PCSK1: variants seen among roughly 807,000 people sequenced by gnomAD.
The protein encoded by PCSK1 is proprotein convertase subtilisin/kexin type 1, also known as neuroendocrine convertase 1.
PCSK1 carries 56 observed loss-of-function variants against 90.6 expected under a neutral mutation model. That is an observed-to-expected ratio of 0.62 (90% confidence interval 0.50 to 0.77). The LOEUF is 0.77. Ranked by LOEUF, PCSK1 falls within the 30% of genes least tolerant of loss-of-function variation. The probability of loss-of-function intolerance (pLI) is 0.00; values close to 1 mark genes in which losing one functional copy is unlikely to be tolerated. For synonymous variants in PCSK1, 348 were observed against 342.4 expected (o/e 1.02, Z -0.18); for missense variants, 801 against 932.6 (o/e 0.86, Z 1.84).
intron 5 of PCSK1, among the ~76,000 whole-genome samples, chr5:96,419,509 G>A (rs1761053829): frequency 6.7e-6 from 1 of 149,596 alleles, no homozygotes; most frequent in East Asian, 2.0e-4. Context: ...TTTTTCAAAA[G>A]ATGATAAAAC....
intron 9 of PCSK1, among the ~76,000 whole-genome samples, chr5:96,400,731 T>C (rs1009014932): frequency 2.6e-5 from 4 of 152,204 alleles, no homozygotes; most frequent in Admixed American, 6.5e-5. Flanking sequence ...TTGAGCTCAC[T>C]CTTGCAAGGC....
chr5:96,408,923 G>A (rs933187670), intron 8 of PCSK1, among the ~76,000 whole-genome samples: 1 of 152,216 alleles, frequency 6.6e-6, no homozygotes, highest in East Asian at 1.9e-4. Context: ...AATGGAAAGT[G>A]TGCTGGACTT....
At position 96,403,153 on chromosome 5, in the gene PCSK1, C is replaced by A. The variant is rs757886222; in HGVS notation, c.1197-2967G>T. Among the ~76,000 whole-genome samples, 3 of 152,082 alleles carry A rather than the reference C, an allele frequency of 2.0e-5. No individual in the cohort carries two copies. In the East Asian group the frequency reaches 5.8e-4, roughly 29 times the overall value. Reference sequence around the variant, plus strand: ...TGTGTCCTATGTTTCTGTAGTAGAGCATTTATTTTATATGCAGTTGCAGGT... The same window carrying A: ...TGTGTCCTATGTTTCTGTAGTAGAGAATTTATTTTATATGCAGTTGCAGGT... On this transcript the variant is annotated intron_variant, in intron 9 of 13. Coordinates refer to ENST00000311106, the MANE Select transcript of PCSK1 (RefSeq NM_000439.5).
intron 11 of PCSK1, among the ~76,000 whole-genome samples, chr5:96,397,974 A>G (rs972182431): frequency 2.0e-5 from 3 of 152,044 alleles, no homozygotes; most frequent in Non-Finnish European, 4.4e-5. Flanking sequence ...TTAATTTCTT[A>G]AAGATATATT....
intron 12 of PCSK1, among the ~76,000 whole-genome samples, chr5:96,395,937 C>A (rs554488601): frequency 6.6e-6 from 1 of 152,226 alleles, no homozygotes; most frequent in East Asian, 1.9e-4. Flanking sequence ...GTGTTAAAAT[C>A]TAAAATATCT....
rs1483824627 is a variant in PCSK1 at position 96,398,868 on chromosome 5, T to G, written c.1588+11A>C. 6.2e-7 allele frequency: 1 copy of G among 1,610,032 alleles called. No homozygotes were observed. Among genetic ancestry groups the G allele is most frequent in the South Asian group, 1.1e-5 (1 of 91,006 alleles). On this transcript the variant is annotated intron_variant, in intron 11 of 13. Coordinates refer to ENST00000311106, the MANE Select transcript of PCSK1 (RefSeq NM_000439.5). ...TAAAAATATAAATGGCTTAGAACTT[T>G]TTTAATTTACCAGCAGCAGAAGTAA...
intron 1 of PCSK1, among the ~76,000 whole-genome samples, chr5:96,431,090 A>G (rs1056489932): frequency 3.3e-5 from 5 of 152,196 alleles, no homozygotes; most frequent in Non-Finnish European, 5.9e-5. Flanking sequence ...GGAATACACA[A>G]TTAAATCCCC....
chr5:96,395,531 C>T (rs756615626), intron 12 of PCSK1, among the ~76,000 whole-genome samples: 13 of 152,116 alleles, frequency 8.5e-5, no homozygotes, highest in Non-Finnish European at 1.9e-4. Flanking sequence ...TCTCAGCAAA[C>T]CAACACAGGA....
intron 2 of PCSK1, among the ~76,000 whole-genome samples, 186 bp downstream of exon 2, chr5:96,429,026 AC>A (rs1761405024): frequency 6.6e-6 from 1 of 152,144 alleles, no homozygotes. Flanking sequence ...AACCAATTCA[AC>A]CCAATCTTGT....
chr5:96,413,656 C>A (rs1279021139), intron 6 of PCSK1, among the ~76,000 whole-genome samples: 2 of 151,276 alleles, frequency 1.3e-5, no homozygotes, highest in African/African-American at 4.9e-5. Flanking sequence ...AAAAATTAGT[C>A]AGGCATGCTG....
chr5:96,406,172 C>A (rs1403813711), intron 9 of PCSK1, among the ~76,000 whole-genome samples: 1 of 152,078 alleles, frequency 6.6e-6, no homozygotes, highest in Non-Finnish European at 1.5e-5. Context: ...TCTCGTTTGA[C>A]CCCTTCATTT....
At position 96,412,582 on chromosome 5, in the gene PCSK1, G is replaced by A. The variant is rs1329400490; in HGVS notation, c.710-92C>T. The A allele has an allele frequency of 4.8e-6, 6 of 1,245,436 alleles. No homozygotes were observed. The East Asian group carries it at 1.5e-4, about 31-fold the overall frequency. 77.1% of individuals were successfully genotyped at this position (1,245,436 alleles called of 1,614,324 possible). The stretch of plus-strand genomic sequence containing the variant: ...TACTCTTACTATTTGTATTTTTAAA[G>A]GATTTTAAGAGTCAAAAACCAGGTA... On this transcript the variant is annotated intron_variant, in intron 6 of 13. Transcript: ENST00000311106.
intron 6 of PCSK1, among the ~76,000 whole-genome samples, chr5:96,413,471 G>A (rs1299404592): frequency 1.3e-5 from 2 of 152,178 alleles, no homozygotes; most frequent in African/African-American, 4.8e-5. Flanking sequence ...GATATGATCA[G>A]TGAAAGTTGT....
Position 96,410,936 on chromosome 5 carries a change from C to G in PCSK1, c.933G>C (p.Gly311=). The change falls in exon 8 of 14, where the codon GGG becomes GGC. Residue 311 remains glycine, a synonymous_variant. Transcript: ENST00000311106. ...SIFVWASGNG[G]RQGDNCDCDG... Reference sequence around the variant, plus strand: ...CACAGTCACAATTATCTCCCTGACGCCCCCCGTTTCCCGAAGCCCAGACGA... The same window carrying G: ...CACAGTCACAATTATCTCCCTGACGGCCCCCGTTTCCCGAAGCCCAGACGA... 6.2e-7 allele frequency: 1 copy of G among 1,613,858 alleles called. No homozygotes were observed. The highest frequency in any genetic ancestry group is 8.5e-7 in the Non-Finnish European group (1 of 1,179,880).
At chr5:96,401,853 G>T (rs1275437813) in intron 9 of PCSK1, among the ~76,000 whole-genome samples, 1 of 152,164 alleles carries the variant, frequency 6.6e-6, no homozygotes, top group Non-Finnish European at 1.5e-5. Context: ...GGGTATATAT[G>T]CTCAGCAGAT....
intron 6 of PCSK1, among the ~76,000 whole-genome samples, chr5:96,414,483 C>T (rs1040570080): frequency 6.6e-6 from 1 of 152,160 alleles, no homozygotes; most frequent in African/African-American, 2.4e-5. Context: ...AATCTGTTAA[C>T]CACCAGGATA....
intron 6 of PCSK1, among the ~76,000 whole-genome samples, chr5:96,414,645 C>T (rs1760884384): frequency 6.6e-6 from 1 of 152,222 alleles, no homozygotes; most frequent in East Asian, 1.9e-4. Context: ...CAGTTCTACA[C>T]TGCCACAAAC....
chr5:96,423,761 A>G (rs1365282116), intron 3 of PCSK1, among the ~76,000 whole-genome samples: 1 of 152,210 alleles, frequency 6.6e-6, no homozygotes, highest in South Asian at 2.1e-4. Flanking sequence ...TTTCATTTAT[A>G]ATAACATGCT....
At chr5:96,406,054 A>T (rs1213663497) in intron 9 of PCSK1, among the ~76,000 whole-genome samples, 1 of 152,108 alleles carries the variant, frequency 6.6e-6, no homozygotes, top group Non-Finnish European at 1.5e-5. Flanking sequence ...TCCAGTCCAG[A>T]CCCCTCATCA....
Sources: allele counts gnomAD v4.1 joint callset (sites outside exome capture counted in the v4.1 genomes callset), GRCh38; gene constraint gnomAD v4.1.1; transcripts MANE v1.5; gene names NCBI Gene and HGNC (gene_info 2026-07-23, HGNC 2026-07-21).